The following GTF2A1 variants were observed in gnomAD, a reference collection of about 807,000 sequenced individuals.
GTF2A1 encodes the protein general transcription factor IIA subunit 1.
In GTF2A1, 12 loss-of-function variants were observed where a neutral mutation model predicts 54.1. The ratio of observed to expected loss-of-function variants is 0.22; its 90% CI spans 0.14 to 0.36. The LOEUF is 0.36. Among genes scored for constraint, GTF2A1 ranks in the 10% least tolerant of loss-of-function variants. The pLI is 1.00. For synonymous variants in GTF2A1, 145 were observed against 152.0 expected (o/e 0.95, Z 0.34); for missense variants, 335 against 442.2 (o/e 0.76, Z 2.17).
chr14:81,190,018 A>T (rs1892840127), intron 7 of GTF2A1, among the ~76,000 whole-genome samples: 5 of 151,652 alleles, frequency 3.3e-5, no homozygotes, highest in Non-Finnish European at 7.4e-5. Context: ...AAAAAAAAAG[A>T]TGGCACAATA....
Position 81,220,660 on chromosome 14 carries a change from T to C in GTF2A1, c.-142A>G, listed in dbSNP as rs1407507542. ...AAAAAATTTTAAACAAAATCAATCCTGAAGGAGTAGGGGAGAGCGGAGAGA... is the reference window on the plus strand; with the variant it reads ...AAAAAATTTTAAACAAAATCAATCCCGAAGGAGTAGGGGAGAGCGGAGAGA... On this transcript the variant is annotated 5_prime_UTR_variant, in exon 1 of 9. Transcript: ENST00000553612. The C allele has an allele frequency of 1.9e-6, 1 of 517,168 alleles. No homozygotes were observed. The highest frequency in any genetic ancestry group is 3.3e-6 in the Non-Finnish European group (1 of 303,332). 32.0% of individuals were successfully genotyped at this position (517,168 alleles called of 1,614,324 possible).
chr14:81,183,866 T>A (rs1892685890), intron 8 of GTF2A1, among the ~76,000 whole-genome samples: 1 of 152,192 alleles, frequency 6.6e-6, no homozygotes, highest in Non-Finnish European at 1.5e-5. Flanking sequence ...GCTTCAAAAC[T>A]ACATTCCTGA....
At chr14:81,207,644 T>C (rs1219877556) in intron 2 of GTF2A1, among the ~76,000 whole-genome samples, 1 of 151,916 alleles carries the variant, frequency 6.6e-6, no homozygotes, top group Non-Finnish European at 1.5e-5. Flanking sequence ...AACAGGAAAA[T>C]GTGGGAAAGT....
chr14:81,203,991 G>A lies in GTF2A1; in HGVS notation c.246C>T (p.His82=), dbSNP rs979794325. ...QQHQPQQQQH[H]HHHHHQQAQP... is the part of the protein sequence containing the mutation. The stretch of plus-strand genomic sequence containing the variant: ...GAGCTTGCTGATGATGGTGATGGTG[G>A]TGATGCTGCTGCTGCTGGGGTTGAT... Residue 82 remains histidine (H), a synonymous_variant, in exon 3 of 9, where the codon CAC becomes CAT. Transcript: ENST00000553612. The A allele has an allele frequency of 3.1e-6, 5 of 1,613,922 alleles. No homozygotes were observed. The highest frequency in any genetic ancestry group is 2.2e-5 in the East Asian group (1 of 44,876).
rs1892549488 is a variant in GTF2A1 at position 81,177,316 on chromosome 14, A to G, written c.*2907T>C. ...TAAAAAATAGAAAAGCCCAACATAA[A>G]GATCCCCCTCACATAACAGACATTT... On this transcript the variant is annotated 3_prime_UTR_variant, in exon 9 of 9. Coordinates refer to ENST00000553612, the MANE Select transcript of GTF2A1 (RefSeq NM_015859.4). The G allele has an allele frequency of 6.6e-6, 1 of 152,130 alleles. No individual in the cohort carries two copies. The highest frequency in any genetic ancestry group is 6.5e-5 in the Admixed American group (1 of 15,276). 9.4% of individuals were successfully genotyped at this position (152,130 alleles called of 1,614,324 possible). A position where few individuals can be genotyped will look rare whatever the true frequency, so the allele number is the denominator to read the frequency against.
chr14:81,218,055 A>C (rs1205335138), intron 1 of GTF2A1, among the ~76,000 whole-genome samples: 4 of 151,482 alleles, frequency 2.6e-5, no homozygotes, highest in African/African-American at 9.7e-5. Flanking sequence ...TCTTGCCTAA[A>C]GTGACTTAAC....
chr14:81,211,401 T>C (rs1893360840), intron 2 of GTF2A1, among the ~76,000 whole-genome samples: 1 of 152,214 alleles, frequency 6.6e-6, no homozygotes, highest in Non-Finnish European at 1.5e-5. Flanking sequence ...TCCTGCTTAC[T>C]GCTAAGTACT....
At chr14:81,185,176 T>C (rs1054541998) in intron 8 of GTF2A1, among the ~76,000 whole-genome samples, 12 of 152,174 alleles carry the variant, frequency 7.9e-5, no homozygotes, top group Admixed American at 3.9e-4. Context: ...AGTTTTGAGA[T>C]AGTTGAGGCT....
chr14:81,220,126 G>C (rs2140048170), intron 1 of GTF2A1, among the ~76,000 whole-genome samples: 1 of 151,676 alleles, frequency 6.6e-6, no homozygotes, highest in East Asian at 1.9e-4. Flanking sequence ...AGCCAGCGCG[G>C]ACGGGCCCCT....
chr14:81,206,327 C>T (rs750977957), intron 2 of GTF2A1, among the ~76,000 whole-genome samples: 14 of 152,178 alleles, frequency 9.2e-5, no homozygotes, highest in Non-Finnish European at 1.8e-4. Context: ...TATGACATGG[C>T]CCTGGTCCTT....
At chr14:81,198,862 T>C (rs1046939357) in intron 4 of GTF2A1, among the ~76,000 whole-genome samples, 2 of 152,224 alleles carry the variant, frequency 1.3e-5, no homozygotes, top group Admixed American at 1.3e-4. Flanking sequence ...TACTGTCTAG[T>C]CTGGGCTCTA....
chr14:81,200,400 G>A (rs570777601), intron 4 of GTF2A1, among the ~76,000 whole-genome samples: 1 of 152,144 alleles, frequency 6.6e-6, no homozygotes, highest in Admixed American at 6.5e-5. Context: ...GAGGTGGGCA[G>A]ATCGCTTGAG....
chr14:81,188,832 C>A (rs1037681462), intron 7 of GTF2A1, among the ~76,000 whole-genome samples: 16 of 151,094 alleles, frequency 1.1e-4, no homozygotes, highest in African/African-American at 3.6e-4. Flanking sequence ...CCTATGTTTT[C>A]TTCTAAGAGT....
At chr14:81,199,388 A>G (rs1382893434) in intron 4 of GTF2A1, among the ~76,000 whole-genome samples, 1 of 152,210 alleles carries the variant, frequency 6.6e-6, no homozygotes, top group East Asian at 1.9e-4. Context: ...CATTAGACCA[A>G]TCATTTCATA....
At chr14:81,209,016 CTGAGA>C (rs1406023378) in intron 2 of GTF2A1, among the ~76,000 whole-genome samples, 1 of 152,112 alleles carries the variant, frequency 6.6e-6, no homozygotes, top group East Asian at 1.9e-4. Flanking sequence ...TGTGTTAATG[CTGAGA>C]TGAGTTAAGA....
chr14:81,211,034 T>C (rs1404410789), intron 2 of GTF2A1, among the ~76,000 whole-genome samples: 3 of 152,238 alleles, frequency 2.0e-5, no homozygotes, highest in Non-Finnish European at 4.4e-5. Flanking sequence ...TATAAATACA[T>C]GTACAAACTA....
intron 6 of GTF2A1, among the ~76,000 whole-genome samples, 174 bp downstream of exon 6, chr14:81,195,923 TTGTTTAATACA>T (rs1892982963): frequency 3.3e-5 from 5 of 152,178 alleles, no homozygotes; most frequent in Non-Finnish European, 5.9e-5. Context: ...ACAACAGTAA[TTGTTTAATACA>T]TGTTTAATAC....
chr14:81,188,995 T>C (rs1434649495), intron 7 of GTF2A1, among the ~76,000 whole-genome samples: 1 of 152,204 alleles, frequency 6.6e-6, no homozygotes, highest in Non-Finnish European at 1.5e-5. Context: ...CTGAATAGTC[T>C]TGGTTGATGT....
chr14:81,208,624 C>T (rs560954221), intron 2 of GTF2A1, among the ~76,000 whole-genome samples: 5 of 152,276 alleles, frequency 3.3e-5, no homozygotes, highest in Admixed American at 1.3e-4. Flanking sequence ...CTGGAAAAGC[C>T]GCACTCAATG....
Sources: gnomAD v4.1 joint callset for allele counts (sites outside exome capture counted in the v4.1 genomes callset) on GRCh38, gnomAD v4.1.1 for gene constraint, MANE v1.5 for transcripts, NCBI Gene and HGNC (gene_info 2026-07-23, HGNC 2026-07-21) for gene names.